Variants in SLC26A5 observed in about 807,000 individuals in gnomAD.
SLC26A5 encodes solute carrier family 26 member 5.
SLC26A5 carries 51 observed loss-of-function variants against 81.0 expected under a neutral mutation model. That is an observed-to-expected ratio of 0.63 (90% confidence interval 0.50 to 0.80). The LOEUF (loss-of-function observed/expected upper bound fraction) is 0.80, where lower values mean the gene tolerates loss of function less well. Ranked by LOEUF, SLC26A5 falls within the 30% of genes least tolerant of loss-of-function variation. The pLI, the probability that SLC26A5 is intolerant of heterozygous loss-of-function variation, is 0.00. For missense variants in SLC26A5, 771 were observed against 905.8 expected, an observed-to-expected ratio of 0.85 and a Z score of 1.91; for synonymous variants, 325 against 332.8, an observed-to-expected ratio of 0.98 and a Z score of 0.25.
intron 2 of SLC26A5, among the ~76,000 whole-genome samples, chr7:103,431,789 A>G (rs1303122830): frequency 6.6e-6 from 1 of 152,152 alleles, no homozygotes; most frequent in African/African-American, 2.4e-5. Context: ...TGCTAGTAGC[A>G]TTCTCCATCC....
chr7:103,441,686 A>G (rs967960777), intron 2 of SLC26A5, among the ~76,000 whole-genome samples: 3 of 152,240 alleles, frequency 2.0e-5, no homozygotes, highest in South Asian at 2.1e-4. Context: ...ACTGGCATGG[A>G]TACTCAGAGC....
chr7:103,404,846 A>G (rs1823900895), intron 8 of SLC26A5, among the ~76,000 whole-genome samples: 1 of 152,010 alleles, frequency 6.6e-6, no homozygotes, highest in South Asian at 2.1e-4. Flanking sequence ...GTCTTTTCAC[A>G]CAGTCCCATA....
chr7:103,421,624 C>T, intron 2 of SLC26A5, 57 bp from the exon 3 acceptor site: 1 of 1,165,376 alleles, frequency 8.6e-7, no homozygotes. Context: ...GATGACTTTT[C>T]CTAAGCATCT....
At chr7:103,383,439 C>A (rs1038673764) in intron 14 of SLC26A5, among the ~76,000 whole-genome samples, 5 of 152,192 alleles carry the variant, frequency 3.3e-5, no homozygotes, top group Non-Finnish European at 5.9e-5. Context: ...TTCCTGACGA[C>A]CTGCAGTGCC....
intron 7 of SLC26A5, among the ~76,000 whole-genome samples, chr7:103,409,813 T>C (rs560663642): frequency 6.6e-6 from 1 of 152,184 alleles, no homozygotes; most frequent in South Asian, 2.1e-4. Flanking sequence ...GTTCACGCCA[T>C]TCTCCTGTCT....
At chr7:103,362,258 TC>T (rs907242970) in intron 19 of SLC26A5, 1 of 1,420,694 alleles carries the variant, frequency 7.0e-7, no homozygotes, top group East Asian at 2.7e-5. Flanking sequence ...CTTCCTAACT[TC>T]CCATCGGCTT....
Position 103,374,475 on chromosome 7 carries a change from G to C in SLC26A5, c.2159C>G (p.Ala720Gly), listed in dbSNP as rs1563507442. 1 of 1,613,640 alleles carries C rather than the reference G, an allele frequency of 6.2e-7. No individual in the cohort carries two copies. Residue 720 changes from alanine to glycine, a missense_variant, in exon 20 of 20, where the codon GCT (alanine) becomes GGT (glycine). Ala to Gly is a moderately conservative substitution (Grantham distance 60). Transcript: ENST00000306312. ...AGGGGGAGCCGAGGCTTCCTGTTCA[G>C]CAAGTGCCTCTCTAAGTTGGCTGCC... ...VLGSQLREAL[A>G]EQEASAPPSQ...
intron 1 of SLC26A5, among the ~76,000 whole-genome samples, chr7:103,444,154 T>C (rs1309029506): frequency 6.6e-6 from 1 of 152,230 alleles, no homozygotes; most frequent in African/African-American, 2.4e-5. Context: ...TCCAACAGAA[T>C]GGACTTACAT....
chr7:103,370,678 A>G (rs1820983311), downstream of SLC26A5, among the ~76,000 whole-genome samples: 1 of 152,116 alleles, frequency 6.6e-6, no homozygotes, highest in Non-Finnish European at 1.5e-5. Flanking sequence ...GAGATTGGCA[A>G]TTGGGATCCC....
At position 103,410,298 on chromosome 7, in the gene SLC26A5, A is replaced by G. The variant is rs1478285825; in HGVS notation, c.735+87T>C. 6.9e-6 allele frequency: 8 copies of G among 1,153,414 alleles called. No individual in the cohort carries two copies. The African/African-American group carries it at 1.2e-4, about 18-fold the overall frequency. 71.4% of individuals were successfully genotyped at this position (1,153,414 alleles called of 1,614,324 possible). On this transcript the variant is annotated intron_variant, in intron 7 of 19. Coordinates refer to ENST00000306312, the MANE Select transcript of SLC26A5 (RefSeq NM_198999.3). ...AAATTACTGGAGAAAAAGAAAAATGAGTCTTGAAAGTAAAAAGAGATACAG... is the reference window on the plus strand; with the variant it reads ...AAATTACTGGAGAAAAAGAAAAATGGGTCTTGAAAGTAAAAAGAGATACAG...
Position 103,411,496 on chromosome 7 carries a change from G to C in SLC26A5, c.494C>G (p.Thr165Ser). Residue 165 changes from threonine to serine, a missense_variant, in exon 6 of 20, where the codon ACC (threonine) becomes AGC (serine). Transcript: ENST00000306312. ...GGCATCTCTGGCCTCTGTGCCATTG[G>C]TTGCATTTACTCCTCCTGGAATGAC... ...DIVIPGGVNA[T>S]NGTEARDALR... 6.2e-7 allele frequency: 1 copy of C among 1,614,138 alleles called. No individual in the cohort carries two copies. The highest frequency in any genetic ancestry group is 8.5e-7 in the Non-Finnish European group (1 of 1,180,018).
chr7:103,358,259 C>T (rs2116185818), intron 19 of SLC26A5, among the ~76,000 whole-genome samples: 1 of 152,262 alleles, frequency 6.6e-6, no homozygotes, highest in East Asian at 1.9e-4. Context: ...TAATTTTTCT[C>T]TGAAAATTGT....
At chr7:103,415,586 T>C (rs1241337346) in intron 4 of SLC26A5, among the ~76,000 whole-genome samples, 1 of 152,160 alleles carries the variant, frequency 6.6e-6, no homozygotes, top group African/African-American at 2.4e-5. Flanking sequence ...AACAACAGAG[T>C]AAATGGCATC....
intron 19 of SLC26A5, chr7:103,354,864 C>T: frequency 6.2e-7 from 1 of 1,602,214 alleles, no homozygotes; most frequent in Non-Finnish European, 8.5e-7. Context: ...CCTTCATCAC[C>T]TAGGGTCAGA....
Position 103,377,781 on chromosome 7 carries a change from C to T in SLC26A5, c.1804G>A (p.Glu602Lys). Residue 602 changes from glutamate (E) to lysine (K), a missense_variant, in exon 18 of 20, where the codon GAG (glutamate) becomes AAG (lysine). Glu to Lys is a moderately conservative substitution (Grantham distance 56). Coordinates refer to ENST00000306312, the MANE Select transcript of SLC26A5 (RefSeq NM_198999.3). Reference protein sequence around the residue: ...VVKADAEVDGEDATKPEEEDG... With the variant: ...VVKADAEVDGKDATKPEEEDG... ...TCTTCTTCAGGCTTGGTAGCATCCT[C>T]TCCATCTACTTCTGCATCCTGTGTC... 1 of 1,613,960 alleles carries T rather than the reference C, an allele frequency of 6.2e-7. No homozygotes were observed. Among genetic ancestry groups the T allele is most frequent in the Non-Finnish European group, 8.5e-7 (1 of 1,180,004 alleles).
chr7:103,430,549 C>A (rs1185587623), intron 2 of SLC26A5, among the ~76,000 whole-genome samples: 1 of 105,016 alleles, frequency 9.5e-6, no homozygotes, highest in Non-Finnish European at 1.8e-5. Flanking sequence ...GTTACTTGAT[C>A]TAAGTAGGGT....
At chr7:103,389,298 T>C (rs758589440) in intron 13 of SLC26A5, 31 bp downstream of exon 13, 22 of 1,462,338 alleles carry the variant, frequency 1.5e-5, no homozygotes, top group Middle Eastern at 1.7e-4. Context: ...CTCTATGACA[T>C]ATTAACAGAG....
downstream of SLC26A5, among the ~76,000 whole-genome samples, chr7:103,373,256 T>C (rs1821131256): frequency 6.6e-6 from 1 of 152,228 alleles, no homozygotes; most frequent in Non-Finnish European, 1.5e-5. Flanking sequence ...ACTGTCATGC[T>C]GATCCAGTAA....
At chr7:103,445,869 G>C (rs1827269360) in intron 1 of SLC26A5, 1 of 152,970 alleles carries the variant, frequency 6.5e-6, no homozygotes, top group African/African-American at 2.4e-5. Context: ...GGTTGCAAAG[G>C]AAAGAGCTTC....
Sources: gnomAD v4.1 joint callset for allele counts (sites outside exome capture counted in the v4.1 genomes callset) on GRCh38, gnomAD v4.1.1 for gene constraint, MANE v1.5 for transcripts, NCBI Gene and HGNC (gene_info 2026-07-23, HGNC 2026-07-21) for gene names.